PVT1: variants seen among roughly 807,000 people sequenced by gnomAD.
The protein encoded by PVT1 is Pvt1 oncogene.
chr8:127,868,671 C>G (rs1456241030), intron 2 of PVT1, among the ~76,000 whole-genome samples: 3 of 149,674 alleles, frequency 2.0e-5, no homozygotes, highest in African/African-American at 7.4e-5. Context: ...TCCCACAGTG[C>G]TGGGATTACA....
chr8:127,839,567 A>T (rs1413361883), intron 2 of PVT1, among the ~76,000 whole-genome samples: 1 of 150,626 alleles, frequency 6.6e-6, no homozygotes, highest in African/African-American at 2.4e-5. Context: ...AAAAATAAAA[A>T]AAAAATGAAA....
chr8:128,023,147 C>T (rs1444744247), intron 4 of PVT1, among the ~76,000 whole-genome samples: 1 of 152,192 alleles, frequency 6.6e-6, no homozygotes, highest in Non-Finnish European at 1.5e-5. Context: ...GAATTATAGG[C>T]ATGAGCCACT....
intron 3 of PVT1, among the ~76,000 whole-genome samples, chr8:127,944,595 A>G (rs1435478398): frequency 6.7e-6 from 1 of 149,560 alleles, no homozygotes; most frequent in Non-Finnish European, 1.5e-5. Flanking sequence ...TCCATTATGG[A>G]CGATCAGGCA....
chr8:127,890,081 C>T (rs569146462), intron 2 of PVT1, among the ~76,000 whole-genome samples: 1 of 152,116 alleles, frequency 6.6e-6, no homozygotes, highest in South Asian at 2.1e-4. Context: ...TAGGCCCTGC[C>T]CTGAAGAGGC....
At chr8:128,068,053 A>G (rs748117673) in intron 4 of PVT1, among the ~76,000 whole-genome samples, 1 of 151,130 alleles carries the variant, frequency 6.6e-6, no homozygotes, top group Non-Finnish European at 1.5e-5. Flanking sequence ...ATCTCACCCA[A>G]TTACAACTCT....
rs148036230 is a variant in PVT1, at chr8:127,922,846, C to T, written n.782+31848C>T. ...TTTGAAGATTCTGGCAACCTCTTAC[C>T]GGATGCAGCTGGCAGGATAATCCCT... On this transcript the variant is annotated intron_variant and non_coding_transcript_variant, in intron 3 of 10. Transcript: ENST00000651587. 3.7e-3 allele frequency among the ~76,000 whole-genome samples: 571 copies of T among 152,318 alleles called. 4 individuals carry two copies. The highest frequency in any genetic ancestry group is 6.4e-3 in the Non-Finnish European group (435 of 68,018).
intron 2 of PVT1, among the ~76,000 whole-genome samples, chr8:127,845,678 G>T (rs185286840): frequency 5.9e-5 from 9 of 152,294 alleles, no homozygotes; most frequent in African/African-American, 2.2e-4. Flanking sequence ...TCTGGAAGCC[G>T]GCAGGGGCAT....
intron 2 of PVT1, among the ~76,000 whole-genome samples, chr8:127,828,805 G>A (rs945491749): frequency 1.3e-5 from 2 of 152,104 alleles, no homozygotes; most frequent in Admixed American, 6.5e-5. Context: ...GAAAGCTGAC[G>A]AGATGGACTA....
intron 4 of PVT1, among the ~76,000 whole-genome samples, chr8:128,050,668 C>T (rs765941907): frequency 6.6e-6 from 1 of 152,194 alleles, no homozygotes; most frequent in Non-Finnish European, 1.5e-5. Flanking sequence ...GGAATGTCAC[C>T]TCACCACTCC....
intron 2 of PVT1, among the ~76,000 whole-genome samples, chr8:127,831,199 C>A (rs1459878840): frequency 1.3e-5 from 2 of 151,150 alleles, no homozygotes; most frequent in African/African-American, 4.9e-5. Context: ...CTCCAGGGAA[C>A]CCTGACTAAT....
At chr8:127,851,743 A>T (rs1243247271) in intron 2 of PVT1, among the ~76,000 whole-genome samples, 1 of 152,186 alleles carries the variant, frequency 6.6e-6, no homozygotes, top group Non-Finnish European at 1.5e-5. Context: ...GCGCTGATTC[A>T]TCATGATGCA....
chr8:127,987,694 T>A (rs1049106914), intron 3 of PVT1, among the ~76,000 whole-genome samples: 1 of 152,194 alleles, frequency 6.6e-6, no homozygotes, highest in Non-Finnish European at 1.5e-5. Flanking sequence ...AAAGCCTCTT[T>A]AAGTAGTAGA....
At chr8:127,805,864 G>A (rs565741861) in intron 2 of PVT1, among the ~76,000 whole-genome samples, 1 of 152,146 alleles carries the variant, frequency 6.6e-6, no homozygotes, top group East Asian at 1.9e-4. Flanking sequence ...TACTGTCTGA[G>A]GAATCAGGAT....
intron 2 of PVT1, among the ~76,000 whole-genome samples, chr8:127,826,932 A>G (rs551686486): frequency 1.1e-3 from 159 of 151,296 alleles, no homozygotes; most frequent in African/African-American, 3.7e-3. Context: ...GTAGCTGTCT[A>G]TCTGAACTCA....
At chr8:128,085,195 T>C (rs1486073324) in intron 5 of PVT1, among the ~76,000 whole-genome samples, 1 of 152,114 alleles carries the variant, frequency 6.6e-6, no homozygotes, top group African/African-American at 2.4e-5. Flanking sequence ...TAGCCTCAGC[T>C]GAGCTCCCAG....
intron 3 of PVT1, among the ~76,000 whole-genome samples, chr8:127,916,646 C>A (rs957251171): frequency 6.6e-6 from 1 of 152,132 alleles, no homozygotes; most frequent in African/African-American, 2.4e-5. Flanking sequence ...CCCGGAAGAT[C>A]CAAATGCTCA....
intron 3 of PVT1, among the ~76,000 whole-genome samples, chr8:127,922,362 TAGGTGATGA>T (rs1159845953): frequency 2.3e-5 from 3 of 131,114 alleles, no homozygotes; most frequent in African/African-American, 8.6e-5. Flanking sequence ...GAATCCGAAG[TAGGTGATGA>T]AGCTTGATTT....
intron 2 of PVT1, among the ~76,000 whole-genome samples, chr8:127,812,860 A>G (rs1399584585): frequency 6.6e-6 from 1 of 152,178 alleles, no homozygotes; most frequent in African/African-American, 2.4e-5. Context: ...GAAGCTTAAT[A>G]TGCACTTGTA....
At chr8:127,817,018 C>A (rs1265575961) in intron 2 of PVT1, among the ~76,000 whole-genome samples, 1 of 151,916 alleles carries the variant, frequency 6.6e-6, no homozygotes, top group African/African-American at 2.4e-5. Flanking sequence ...CCCCCCACCC[C>A]CTCCCGATAC....
Sources: gnomAD v4.1 joint callset for allele counts (sites outside exome capture counted in the v4.1 genomes callset) on GRCh38, gnomAD v4.1.1 for gene constraint, MANE v1.5 for transcripts, NCBI Gene and HGNC (gene_info 2026-07-23, HGNC 2026-07-21) for gene names.